Variants in GALNT13 observed in about 807,000 individuals in gnomAD.
GALNT13 encodes the protein UDP-GalNAc:polypeptide N-acetylgalactosaminyltransferase 13.
Under a neutral mutation model 64.2 loss-of-function variants are expected in GALNT13, and 28 were observed. The observed-to-expected ratio is 0.44, with a 90% CI of 0.32 to 0.60. GALNT13 has a LOEUF of 0.60. GALNT13 is among the 20% of genes least tolerant of loss of function. The pLI is 0.05. For synonymous variants in GALNT13, 214 were observed against 224.6 expected (o/e 0.95, Z 0.42); for missense variants, 577 against 669.8 (o/e 0.86, Z 1.53).
intron 3 of GALNT13, among the ~76,000 whole-genome samples, chr2:154,104,923 A>G (rs781047142): frequency 3.9e-5 from 6 of 152,174 alleles, no homozygotes; most frequent in Non-Finnish European, 7.4e-5. Flanking sequence ...CACGTGTGCA[A>G]GCAGGCCATC....
the GALNT13 span, among the ~76,000 whole-genome samples, chr2:153,583,620 A>G: frequency 6.6e-6 from 1 of 152,122 alleles, no homozygotes; most frequent in Admixed American, 6.5e-5. Context: ...GGGATAGCAT[A>G]TTCACCCTCC....
the GALNT13 span, among the ~76,000 whole-genome samples, chr2:153,741,946 T>C: frequency 6.6e-6 from 1 of 152,176 alleles, no homozygotes; most frequent in Non-Finnish European, 1.5e-5. Context: ...CTAATTAATA[T>C]AGCCATCATT....
the GALNT13 span, among the ~76,000 whole-genome samples, chr2:153,757,494 A>G: frequency 6.6e-6 from 1 of 152,188 alleles, no homozygotes; most frequent in African/African-American, 2.4e-5. Flanking sequence ...TCTCCTTGAC[A>G]TATTGATTTC....
At chr2:154,184,303 G>C (rs1039175923) in intron 4 of GALNT13, among the ~76,000 whole-genome samples, 4 of 151,986 alleles carry the variant, frequency 2.6e-5, no homozygotes, top group African/African-American at 9.7e-5. Context: ...GTGTACTTAA[G>C]AATAAAATGA....
chr2:153,649,342 G>C, the GALNT13 span, among the ~76,000 whole-genome samples: 1 of 151,970 alleles, frequency 6.6e-6, no homozygotes, highest in African/African-American at 2.4e-5. Flanking sequence ...GCGTCTGTTT[G>C]ATTCTTCTCT....
the GALNT13 span, among the ~76,000 whole-genome samples, chr2:153,260,864 G>T: frequency 6.6e-6 from 1 of 152,024 alleles, no homozygotes; most frequent in East Asian, 1.9e-4. Context: ...TCTAAATCTT[G>T]TAGGTGAGCT....
rs1691581137 is a variant in GALNT13, at chr2:153,944,644, G to A, written c.142+5G>A. ...CTCTGCTGCCTGCATTGAGGGGTAAGTGCTTATGAAGCAAATACTGTCTTT... is the reference window on the plus strand; with the variant it reads ...CTCTGCTGCCTGCATTGAGGGGTAAATGCTTATGAAGCAAATACTGTCTTT... On this transcript the variant is annotated splice_donor_5th_base_variant and intron_variant, in intron 3 of 12. Coordinates refer to ENST00000392825, the MANE Select transcript of GALNT13 (RefSeq NM_052917.4). 2 of 1,611,330 alleles carry A rather than the reference G, an allele frequency of 1.2e-6. No individual in the cohort carries two copies. Among genetic ancestry groups the A allele is most frequent in the Non-Finnish European group, 1.7e-6 (2 of 1,178,372 alleles).
chr2:153,182,615 C>T, the GALNT13 span, among the ~76,000 whole-genome samples: 1 of 152,142 alleles, frequency 6.6e-6, no homozygotes, highest in South Asian at 2.1e-4. Context: ...CCCACAACCC[C>T]TGACTGACAG....
the GALNT13 span, among the ~76,000 whole-genome samples, chr2:153,856,748 G>A: frequency 6.6e-6 from 1 of 152,082 alleles, no homozygotes; most frequent in East Asian, 1.9e-4. Context: ...CTTTGATTGG[G>A]CAGTTCTTTT....
At chr2:153,304,708 TC>T in the GALNT13 span, among the ~76,000 whole-genome samples, 1 of 152,102 alleles carries the variant, frequency 6.6e-6, no homozygotes, top group African/African-American at 2.4e-5. Flanking sequence ...TTCACTCATT[TC>T]CCAGCTGGGC....
intron 4 of GALNT13, among the ~76,000 whole-genome samples, chr2:154,149,484 G>T (rs1683840900): frequency 6.6e-6 from 1 of 152,102 alleles, no homozygotes; most frequent in African/African-American, 2.4e-5. Context: ...GTAGCTTGAT[G>T]GGGATGGCAT....
At chr2:153,686,980 G>T in the GALNT13 span, among the ~76,000 whole-genome samples, 90 of 152,136 alleles carry the variant, frequency 5.9e-4, no homozygotes, top group African/African-American at 2.0e-3. Flanking sequence ...CTTGCATCCA[G>T]GGATAAAGCC....
chr2:153,493,123 A>G, the GALNT13 span, among the ~76,000 whole-genome samples: 1 of 152,128 alleles, frequency 6.6e-6, no homozygotes, highest in African/African-American at 2.4e-5. Flanking sequence ...AAGCTAAGAA[A>G]AAAAAGAGCA....
intron 4 of GALNT13, among the ~76,000 whole-genome samples, chr2:154,153,204 C>A (rs1028921839): frequency 6.6e-6 from 1 of 152,120 alleles, no homozygotes; most frequent in African/African-American, 2.4e-5. Flanking sequence ...CACTCCAGAC[C>A]CTCTTTGCCT....
At chr2:154,134,420 A>C (rs7591853) in intron 3 of GALNT13, among the ~76,000 whole-genome samples, 3 of 152,048 alleles carry the variant, frequency 2.0e-5, no homozygotes, top group African/African-American at 7.2e-5. Context: ...CTAATACAGC[A>C]TGGTTAATTT....
At chr2:154,029,786 T>G (rs912472029) in intron 3 of GALNT13, among the ~76,000 whole-genome samples, 1 of 152,152 alleles carries the variant, frequency 6.6e-6, no homozygotes. Flanking sequence ...TCATTAATAT[T>G]TTAAAGACTC....
At chr2:153,916,480 G>A (rs1689355925) in intron 2 of GALNT13, among the ~76,000 whole-genome samples, 1 of 151,050 alleles carries the variant, frequency 6.6e-6, no homozygotes, top group East Asian at 2.0e-4. Context: ...TTTTGAGGCA[G>A]GATGGAGTGA....
intron 11 of GALNT13, among the ~76,000 whole-genome samples, chr2:154,432,992 G>T (rs1040312952): frequency 6.6e-6 from 1 of 152,204 alleles, no homozygotes; most frequent in African/African-American, 2.4e-5. Context: ...CTTCCAGTAA[G>T]AGGAGGATTC....
Position 154,295,565 on chromosome 2 carries a change from G to T in GALNT13, c.976-5844G>T, listed in dbSNP as rs535226293. On this transcript the variant is annotated intron_variant, in intron 8 of 12. Transcript: ENST00000392825. ...TTTTTTTATTTTTAGTAGAGACGAGGTTTTACCATGTTGGCTAGGCTGGTT... is the reference window on the plus strand; with the variant it reads ...TTTTTTTATTTTTAGTAGAGACGAGTTTTTACCATGTTGGCTAGGCTGGTT... Among the ~76,000 whole-genome samples the T allele has an allele frequency of 2.0e-5, 3 of 151,972 alleles. No individual in the cohort carries two copies. The South Asian group carries it at 6.3e-4, about 32-fold the overall frequency.
Sources: allele counts gnomAD v4.1 joint callset (sites outside exome capture counted in the v4.1 genomes callset), GRCh38; gene constraint gnomAD v4.1.1; transcripts MANE v1.5; gene names NCBI Gene and HGNC (gene_info 2026-07-23, HGNC 2026-07-21).